DSCAML1: variants seen among roughly 807,000 people sequenced by gnomAD.
DSCAML1 encodes DS cell adhesion molecule like 1.
In DSCAML1, 38 loss-of-function variants were observed where a neutral mutation model predicts 200.5. The ratio of observed to expected loss-of-function variants is 0.19; its 90% CI spans 0.15 to 0.25. DSCAML1 has a LOEUF of 0.25. DSCAML1 is among the 10% of genes least tolerant of loss of function. The probability of loss-of-function intolerance (pLI) is 1.00; values close to 1 mark genes in which losing one functional copy is unlikely to be tolerated. For synonymous variants in DSCAML1, 1,215 were observed against 1,165.0 expected (o/e 1.04, Z -0.87); for missense variants, 2,223 against 2,858.8 (o/e 0.78, Z 5.07).
intron 3 of DSCAML1, among the ~76,000 whole-genome samples, chr11:117,739,799 G>T (rs571915902): frequency 1.3e-5 from 2 of 149,770 alleles, no homozygotes; most frequent in Non-Finnish European, 2.9e-5. Context: ...GCTGCAATGG[G>T]CAAATCTGAG....
intron 3 of DSCAML1, among the ~76,000 whole-genome samples, chr11:117,550,995 C>T (rs1459988488): frequency 1.3e-5 from 2 of 152,220 alleles, no homozygotes; most frequent in Non-Finnish European, 2.9e-5. Flanking sequence ...TCTCAGGATG[C>T]CCCTTTTCTC....
chr11:117,431,154 G>A, intron 31 of DSCAML1, 121 bp from the exon 32 acceptor site: 1 of 981,804 alleles, frequency 1.0e-6, no homozygotes, highest in Non-Finnish European at 1.5e-6. Context: ...GAGGGCACCA[G>A]GCTGAGAAGA....
chr11:117,733,440 C>G (rs1313195176), intron 3 of DSCAML1, among the ~76,000 whole-genome samples: 1 of 152,162 alleles, frequency 6.6e-6, no homozygotes, highest in Non-Finnish European at 1.5e-5. Context: ...TTTGTCCCTA[C>G]ACTCTTGGAA....
intron 3 of DSCAML1, among the ~76,000 whole-genome samples, chr11:117,630,088 T>G (rs1318922766): frequency 6.6e-6 from 1 of 152,190 alleles, no homozygotes; most frequent in African/African-American, 2.4e-5. Context: ...AGCAGCAGAC[T>G]GCAGACAGAC....
At chr11:117,738,477 C>G (rs545014578) in intron 3 of DSCAML1, among the ~76,000 whole-genome samples, 85 of 152,190 alleles carry the variant, frequency 5.6e-4, no homozygotes, top group Non-Finnish European at 1.0e-3. Context: ...CATGCTTCCT[C>G]CTCACCAGCT....
intron 3 of DSCAML1, among the ~76,000 whole-genome samples, chr11:117,563,378 G>C (rs1325504515): frequency 1.3e-5 from 2 of 152,148 alleles, no homozygotes; most frequent in African/African-American, 4.8e-5. Flanking sequence ...CAGCTCTCCA[G>C]GCTTGCTTAA....
chr11:117,575,988 C>T (rs974301253), intron 3 of DSCAML1, among the ~76,000 whole-genome samples: 7 of 152,188 alleles, frequency 4.6e-5, no homozygotes, highest in Non-Finnish European at 8.8e-5. Flanking sequence ...GTCCTGGATG[C>T]TTGTCTGGGC....
At chr11:117,487,071 C>T (rs542224536) in intron 11 of DSCAML1, among the ~76,000 whole-genome samples, 154 of 151,652 alleles carry the variant, frequency 1.0e-3, no homozygotes, top group Non-Finnish European at 1.8e-3. Flanking sequence ...ATTACAAGCG[C>T]GTACCACTAC....
In DSCAML1 at chr11:117,463,477, G is replaced by T. The variant is rs1274399243; in HGVS notation, c.3265+1465C>A. Among the ~76,000 whole-genome samples the T allele has an allele frequency of 6.6e-6, 1 of 152,012 alleles. No homozygotes were observed. Among genetic ancestry groups the T allele is most frequent in the Non-Finnish European group, 1.5e-5 (1 of 68,018 alleles). ...CAGACCTGCTTGAAGCAGAAGCTCT[G>T]GGGGTTGGAGCCCAGCAACCTACAT... On this transcript the variant is annotated intron_variant, in intron 17 of 32. Coordinates refer to ENST00000651296, the MANE Select transcript of DSCAML1 (RefSeq NM_020693.4). This position sits in a 1 kb window ranked among gnomAD's most constrained non-coding sequence, Gnocchi z 4.0.
chr11:117,770,182 T>C (rs1411704621), intron 3 of DSCAML1, among the ~76,000 whole-genome samples: 1 of 152,190 alleles, frequency 6.6e-6, no homozygotes, highest in Admixed American at 6.5e-5. Flanking sequence ...GAAGACACTA[T>C]AGTCCCAAGA....
chr11:117,747,564 G>A (rs141244018), intron 3 of DSCAML1, among the ~76,000 whole-genome samples: 45 of 152,288 alleles, frequency 3.0e-4, no homozygotes, highest in African/African-American at 8.7e-4. Context: ...GCAGGAATGC[G>A]TAAAGACAGC....
intron 1 of DSCAML1, among the ~76,000 whole-genome samples, chr11:117,795,657 T>C (rs1360644760): frequency 3.9e-5 from 6 of 152,196 alleles, no homozygotes; most frequent in East Asian, 1.9e-4. Flanking sequence ...GATCGCCTAG[T>C]AAATGCCAGC....
chr11:117,438,759 G>A, intron 24 of DSCAML1, 126 bp downstream of exon 24: 1 of 875,220 alleles, frequency 1.1e-6, no homozygotes, highest in South Asian at 2.4e-5. Flanking sequence ...CTTCCTTGTG[G>A]GTCACTTGGC....
Position 117,521,252 on chromosome 11 carries a change from C to A in DSCAML1, c.1091G>T (p.Arg364Leu). ...GAGCAGCGTCTCGTTGCTGAGCCCGCGGATGGAGATGGCCTCGTCAGGCAG... is the reference window on the plus strand; with the variant it reads ...GAGCAGCGTCTCGTTGCTGAGCCCGAGGATGGAGATGGCCTCGTCAGGCAG... ...LVLPDEAISI[R>L]GLSNETLLIT... is the part of the protein sequence containing the mutation. The change falls in exon 6 of 33, where the codon CGC (arginine) becomes CTC (leucine). Residue 364 changes from arginine (R) to leucine (L), a missense_variant. Physicochemically the swap from Arg to Leu is moderately radical, Grantham distance 102. Around this residue, in one of 7 missense-constraint regions of DSCAML1, gnomAD observed 579 missense variants for 721.5 expected, o/e 0.80. Coordinates refer to ENST00000651296, the MANE Select transcript of DSCAML1 (RefSeq NM_020693.4). 6.2e-7 allele frequency: 1 copy of A among 1,614,168 alleles called. No homozygotes were observed. Among genetic ancestry groups the A allele is most frequent in the South Asian group, 1.1e-5 (1 of 91,082 alleles).
chr11:117,809,571 G>T (rs372617535), intron 1 of DSCAML1, among the ~76,000 whole-genome samples: 2 of 152,234 alleles, frequency 1.3e-5, no homozygotes, highest in African/African-American at 4.8e-5. Flanking sequence ...CCACTACACA[G>T]GTCCTGCCCT....
At chr11:117,664,042 G>A (rs746595178) in intron 3 of DSCAML1, among the ~76,000 whole-genome samples, 2 of 152,228 alleles carry the variant, frequency 1.3e-5, no homozygotes, top group African/African-American at 4.8e-5. Context: ...AGAAAATGCC[G>A]TGGCTCCCAG....
chr11:117,643,086 T>C (rs10892147), intron 3 of DSCAML1, among the ~76,000 whole-genome samples: 25,810 of 152,176 alleles, frequency 0.17, 2,298 homozygotes, highest in African/African-American at 0.2. Flanking sequence ...ATCTACCTTG[T>C]GTTCTCTTTA....
intron 3 of DSCAML1, among the ~76,000 whole-genome samples, chr11:117,605,523 C>G (rs1696903605): frequency 2.0e-5 from 3 of 152,226 alleles, no homozygotes. Context: ...CTTTCATTTA[C>G]TCTGCCACCT....
intron 19 of DSCAML1, 75 bp downstream of exon 19, chr11:117,458,679 T>A: frequency 6.4e-7 from 1 of 1,557,570 alleles, no homozygotes; most frequent in Admixed American, 1.8e-5. Context: ...GCTCTCACCC[T>A]GCCTCCTGGG....
Sources: allele counts gnomAD v4.1 joint callset (sites outside exome capture counted in the v4.1 genomes callset), GRCh38; gene constraint gnomAD v4.1.1; regional missense constraint gnomAD v4.1.1; non-coding constraint Gnocchi (gnomAD v3.1); transcripts MANE v1.5; gene names NCBI Gene and HGNC (gene_info 2026-07-23, HGNC 2026-07-21).